CNTN6: variants seen among roughly 807,000 people sequenced by gnomAD.
The protein encoded by CNTN6 is contactin 6.
In CNTN6, 137 loss-of-function variants were observed where a neutral mutation model predicts 122.8. The observed-to-expected ratio is 1.12, with a 90% confidence interval of 0.97 to 1.29. CNTN6 has a LOEUF of 1.29. Among genes scored for constraint, CNTN6 ranks in the 50% most tolerant of loss-of-function variants. The pLI, the probability that CNTN6 is intolerant of heterozygous loss-of-function variation, is 0.00. For synonymous variants in CNTN6, 570 were observed against 426.0 expected, an observed-to-expected ratio of 1.34 and a Z score of -4.16; for missense variants, 1,634 against 1,223.4, an observed-to-expected ratio of 1.34 and a Z score of -5.01.
chr3:1,295,689 G>T lies in CNTN6; in HGVS notation c.543G>T (p.Leu181Phe), dbSNP rs759247374. 9 of 1,614,050 alleles carry T rather than the reference G, an allele frequency of 5.6e-6. No individual in the cohort carries two copies. Among genetic ancestry groups the T allele is most frequent in the Non-Finnish European group, 7.6e-6 (9 of 1,179,936 alleles). ...TTGTATCTCAAGAGACGGGAAACTT[G>T]TACATTGCCAAAGTGGAACCATCAG... ...RRFVSQETGN[L>F]YIAKVEPSDV... The change falls in exon 6 of 23, where the codon TTG (leucine) becomes TTT (phenylalanine). Residue 181 changes from leucine (L) to phenylalanine (F), a missense_variant. Coordinates refer to ENST00000446702, the MANE Select transcript of CNTN6 (RefSeq NM_001289080.2).
chr3:1,132,783 A>G (rs1216619255), intron 1 of CNTN6, among the ~76,000 whole-genome samples: 1 of 152,150 alleles, frequency 6.6e-6, no homozygotes, highest in East Asian at 1.9e-4. Flanking sequence ...GAGTGTTTGA[A>G]TAACAGTCAC....
At chr3:1,281,073 T>A (rs188923747) in intron 5 of CNTN6, among the ~76,000 whole-genome samples, 1 of 152,326 alleles carries the variant, frequency 6.6e-6, no homozygotes, top group East Asian at 1.9e-4. Context: ...TCAGTTTCTT[T>A]AAATCAACCT....
At position 1,321,655 on chromosome 3, in the gene CNTN6, TC is replaced by T; in HGVS notation, c.771del (p.Asp258IlefsTer95). On this transcript the variant is annotated frameshift_variant, in exon 8 of 23. Transcript: ENST00000446702. LOFTEE classifies it high-confidence loss of function. ...AATGAGGTGTAACTGTTTAGTCCAG[TC>T]CCCGATATTAGTTGGAGAAGGTTGG... ...KLECFALGNP[V>X]PDISWRRLDG... is the part of the protein sequence containing the mutation. 6.2e-7 allele frequency: 1 copy of T among 1,610,632 alleles called. No homozygotes were observed. Among genetic ancestry groups the T allele is most frequent in the Non-Finnish European group, 8.5e-7 (1 of 1,178,010 alleles).
intron 3 of CNTN6, among the ~76,000 whole-genome samples, chr3:1,226,997 T>C (rs2094293300): frequency 6.6e-6 from 1 of 152,158 alleles, no homozygotes; most frequent in Non-Finnish European, 1.5e-5. Flanking sequence ...TTGATGGAGT[T>C]GGGAGTTTCA....
In CNTN6 at chr3:1,358,906, A is replaced by G. The variant is rs141744413; in HGVS notation, c.1492+6455A>G. ...AGACCTTATCTCTACTAAAAATAAG[A>G]AAAATTAGTAAGGCATGGTGGCATA... On this transcript the variant is annotated intron_variant, in intron 12 of 22. Transcript: ENST00000446702. Among the ~76,000 whole-genome samples the G allele has an allele frequency of 2.6e-3, 390 of 152,132 alleles. 1 individual carries two copies. Among genetic ancestry groups the G allele is most frequent in the African/African-American group, 8.7e-3 (361 of 41,542 alleles).
At chr3:1,228,023 G>C in intron 4 of CNTN6, 30 bp downstream of exon 4, 1 of 1,596,408 alleles carries the variant, frequency 6.3e-7, no homozygotes, top group Non-Finnish European at 8.6e-7. Context: ...TGTAATCTTT[G>C]TCTCTGAAAA....
rs560240384 is a variant in CNTN6, at chr3:1,302,057, GATTA to G, written c.761+4071_761+4074del. On this transcript the variant is annotated intron_variant, in intron 7 of 22. Coordinates refer to ENST00000446702, the MANE Select transcript of CNTN6 (RefSeq NM_001289080.2). ...ATAAAAGGCGACACACTCACTAGAA[GATTA>G]ATTATGTTATAGGTATATAATTAAC... Among the ~76,000 whole-genome samples the G allele has an allele frequency of 9.2e-4, 140 of 152,218 alleles. 1 individual carries two copies. Among genetic ancestry groups the G allele is most frequent in the Non-Finnish European group, 1.7e-3 (114 of 67,998 alleles).
chr3:1,103,527 A>G (rs2091060771), intron 1 of CNTN6, among the ~76,000 whole-genome samples: 1 of 152,164 alleles, frequency 6.6e-6, no homozygotes, highest in Non-Finnish European at 1.5e-5. Context: ...CTTCACTCTT[A>G]TTCTGTCTTT....
intron 7 of CNTN6, among the ~76,000 whole-genome samples, chr3:1,300,693 T>G (rs1447170882): frequency 1.3e-5 from 2 of 152,114 alleles, no homozygotes; most frequent in African/African-American, 4.8e-5. Flanking sequence ...TTATTTATTT[T>G]TATATTATTC....
Position 1,372,291 on chromosome 3 carries a change from C to T in CNTN6, c.1493-8C>T. On this transcript the variant is annotated splice_polypyrimidine_tract_variant and splice_region_variant and intron_variant, in intron 12 of 22. Transcript: ENST00000446702. ...TAAGCTTTAAAAAATAATTTTTTTT[C>T]TCAACAGAGAGAACTGTCATTACCG... The T allele has an allele frequency of 6.3e-7, 1 of 1,578,424 alleles. No individual in the cohort carries two copies. The highest frequency in any genetic ancestry group is 1.2e-5 in the South Asian group (1 of 84,748).
chr3:1,153,541 T>C (rs2092895324), intron 2 of CNTN6, among the ~76,000 whole-genome samples: 1 of 152,226 alleles, frequency 6.6e-6, no homozygotes, highest in Non-Finnish European at 1.5e-5. Flanking sequence ...AAATCTATTT[T>C]GTCAGTATTT....
intron 9 of CNTN6, among the ~76,000 whole-genome samples, chr3:1,326,423 G>A (rs1464251577): frequency 6.6e-6 from 1 of 151,852 alleles, no homozygotes; most frequent in Non-Finnish European, 1.5e-5. Context: ...ACAGCAGCTA[G>A]TAAATGTTAG....
chr3:1,142,877 T>C (rs896975404), intron 1 of CNTN6, among the ~76,000 whole-genome samples: 49 of 151,738 alleles, frequency 3.2e-4, no homozygotes, highest in African/African-American at 1.2e-3. Flanking sequence ...AATTTGTGTG[T>C]ACAAATTTAT....
At chr3:1,388,521 G>A (rs1370006381) in intron 20 of CNTN6, among the ~76,000 whole-genome samples, 1 of 151,350 alleles carries the variant, frequency 6.6e-6, no homozygotes, top group Non-Finnish European at 1.5e-5. Flanking sequence ...CTCCTCCAAG[G>A]GAACGCAGTT....
intron 12 of CNTN6, among the ~76,000 whole-genome samples, chr3:1,354,156 A>T (rs1232663941): frequency 6.6e-6 from 1 of 151,468 alleles, no homozygotes; most frequent in Non-Finnish European, 1.5e-5. Context: ...CTAACTGAGA[A>T]ACTCGGAAGC....
chr3:1,232,131 T>C (rs753274572), intron 4 of CNTN6, among the ~76,000 whole-genome samples: 54 of 152,234 alleles, frequency 3.5e-4, no homozygotes, highest in Admixed American at 1.0e-3. Context: ...AATTTTTAAA[T>C]GCCCTTATAA....
At chr3:1,306,766 G>A (rs1245137040) in intron 7 of CNTN6, among the ~76,000 whole-genome samples, 1 of 152,108 alleles carries the variant, frequency 6.6e-6, no homozygotes, top group Non-Finnish European at 1.5e-5. Flanking sequence ...TTAATCCTGG[G>A]AATTGTCAAA....
At chr3:1,131,317 C>T (rs527916654) in intron 1 of CNTN6, among the ~76,000 whole-genome samples, 1 of 152,016 alleles carries the variant, frequency 6.6e-6, no homozygotes, top group Non-Finnish European at 1.5e-5. Flanking sequence ...ATGCAGGGTA[C>T]ACAAAGGGAG....
chr3:1,212,544 CAT>C lies in CNTN6; in HGVS notation c.56-8136_56-8135del, dbSNP rs749418038. Among the ~76,000 whole-genome samples the C allele has an allele frequency of 1.3e-5, 2 of 150,756 alleles. 1 individual carries two copies. Among genetic ancestry groups the C allele is most frequent in the Non-Finnish European group, 3.0e-5 (2 of 67,720 alleles). On this transcript the variant is annotated intron_variant, in intron 2 of 22. Coordinates refer to ENST00000446702, the MANE Select transcript of CNTN6 (RefSeq NM_001289080.2). ...GTGTGTGTATATATATACACACACA[CAT>C]ATATATGTGTATACACATACACATA... is the stretch of plus-strand genomic sequence containing the variant.
Sources: gnomAD v4.1 joint callset for allele counts (sites outside exome capture counted in the v4.1 genomes callset) on GRCh38, gnomAD v4.1.1 for gene constraint, MANE v1.5 for transcripts, NCBI Gene and HGNC (gene_info 2026-07-23, HGNC 2026-07-21) for gene names.